TRARG1: variants seen among roughly 807,000 people sequenced by gnomAD.
TRARG1 encodes the protein trafficking regulator of GLUT4 1.
In TRARG1, 16 loss-of-function variants were observed where a neutral mutation model predicts 13.3. That is an observed-to-expected ratio of 1.20 (90% CI 0.81 to 1.83). The LOEUF (loss-of-function observed/expected upper bound fraction) is 1.83. TRARG1 is among the 40% of genes most tolerant of loss of function. TRARG1 has a pLI of 0.00. For missense variants in TRARG1, 250 were observed against 237.4 expected (o/e 1.05, Z -0.35); for synonymous variants, 113 against 106.2 (o/e 1.06, Z -0.39).
At position 1,295,737 on chromosome 17, in the gene TRARG1, G is replaced by T. The variant is rs866296629; in HGVS notation, c.520+114G>T. ...GTGGGTTGGGGGAAGGAGAAGGGCTGGTGGGGGCCCCGGCCTTATCCTCCC... is the reference window on the plus strand; with the variant it reads ...GTGGGTTGGGGGAAGGAGAAGGGCTTGTGGGGGCCCCGGCCTTATCCTCCC... On this transcript the variant is annotated intron_variant, in intron 2 of 2. Transcript: ENST00000333813. 25 of 1,372,920 alleles carry T rather than the reference G, an allele frequency of 1.8e-5. No individual in the cohort carries two copies. The African/African-American group carries it at 2.5e-4, about 14-fold the overall frequency. 85.0% of individuals were successfully genotyped at this position (1,372,920 alleles called of 1,614,324 possible).
rs71148459 is a variant in TRARG1, at chr17:1,289,239, CTCCTCATCCCCCACCGGGT to C, written c.388-6219_388-6201del. ...CCACGGGCTCCTCAACCCCCTCCGG[CTCCTCATCCCCCACCGGGT>C]TCCTCATCCCCCACCGGGTTCCTCA... On this transcript the variant is annotated intron_variant, in intron 1 of 2. Transcript: ENST00000333813. Among the ~76,000 whole-genome samples the C allele has an allele frequency of 4.0e-3, 29 of 7,210 alleles. 3 individuals are homozygous for C. The highest frequency in any genetic ancestry group is 5.8e-3 in the East Asian group (2 of 344). 4.7% of individuals were successfully genotyped at this position (7,210 alleles called of 152,430 possible). A position where few individuals can be genotyped will look rare whatever the true frequency, so the allele number is the denominator to read the frequency against.
Position 1,299,525 on chromosome 17 carries a change from A to G in TRARG1, c.*1261A>G. ...GCCACGGCCTCTCATCTTAGGACCTAATGGGACCCCCGAAAGGAGCCAAGT... is the reference window on the plus strand; with the variant it reads ...GCCACGGCCTCTCATCTTAGGACCTGATGGGACCCCCGAAAGGAGCCAAGT... On this transcript the variant is annotated 3_prime_UTR_variant, in exon 3 of 3. Transcript: ENST00000333813. 6.6e-6 allele frequency: 1 copy of G among 152,112 alleles called. No homozygotes were observed. Among genetic ancestry groups the G allele is most frequent in the East Asian group, 1.9e-4 (1 of 5,168 alleles). 9.4% of individuals were successfully genotyped at this position (152,112 alleles called of 1,614,324 possible). A position where few individuals can be genotyped will look rare whatever the true frequency, so the allele number is the denominator to read the frequency against.
intron 1 of TRARG1, among the ~76,000 whole-genome samples, chr17:1,293,500 G>A (rs1180655266): frequency 1.3e-5 from 2 of 150,044 alleles, no homozygotes; most frequent in Non-Finnish European, 3.0e-5. Context: ...ATGATGTCGT[G>A]GGTTGTGCTT....
In TRARG1 at chr17:1,292,380, G is replaced by A. The variant is rs532152151; in HGVS notation, c.388-3111G>A. Among the ~76,000 whole-genome samples, 8 of 152,204 alleles carry A rather than the reference G, an allele frequency of 5.3e-5. 1 individual carries two copies. In the South Asian group the frequency reaches 1.0e-3, roughly 20 times the overall value. ...AGACAGAAGGGTGTTTTGGAAATCC[G>A]TATCCAGTCCTATCATTCGGGACTC... On this transcript the variant is annotated intron_variant, in intron 1 of 2. Coordinates refer to ENST00000333813, the MANE Select transcript of TRARG1 (RefSeq NM_172367.3).
At chr17:1,296,806 C>T (rs1026434280) in intron 2 of TRARG1, among the ~76,000 whole-genome samples, 81 of 151,936 alleles carry the variant, frequency 5.3e-4, no homozygotes, top group African/African-American at 1.8e-3. Flanking sequence ...CCACCACGCC[C>T]GGCTAAGTTT....
intron 1 of TRARG1, among the ~76,000 whole-genome samples, chr17:1,282,276 GTATATGTACA>G (rs1449810512): frequency 5.8e-4 from 40 of 68,522 alleles, no homozygotes; most frequent in African/African-American, 2.8e-3. Context: ...ATATATGCAC[GTATATGTACA>G]TATATGTACG....
At chr17:1,295,380 G>T in intron 1 of TRARG1, 111 bp from the exon 2 acceptor site, 1 of 1,358,836 alleles carries the variant, frequency 7.4e-7, no homozygotes, top group South Asian at 1.4e-5. Context: ...ATGGGGACGG[G>T]ATGTGTCTGG....
intron 1 of TRARG1, among the ~76,000 whole-genome samples, chr17:1,285,087 T>C (rs112751275): frequency 0.017 from 2,650 of 152,044 alleles, 34 homozygotes; most frequent in Middle Eastern, 0.051. Context: ...AGGGGTGTGA[T>C]GGGAGAGGGA....
rs775304950 is a variant in TRARG1, at chr17:1,295,610, C to T, written c.507C>T (p.Thr169=). 1.4e-5 allele frequency: 23 copies of T among 1,611,848 alleles called. No homozygotes were observed. Among genetic ancestry groups the T allele is most frequent in the East Asian group, 2.2e-5 (1 of 44,792 alleles). The change falls in exon 2 of 3, where the codon ACC becomes ACT. Residue 169 remains threonine (T), a synonymous_variant. Coordinates refer to ENST00000333813, the MANE Select transcript of TRARG1 (RefSeq NM_172367.3). ...MGIVIIMVAV[T]VNFTVQKK ...TCGTCATTATCATGGTGGCCGTGACCGTCAACTTCACAGGTGAGACCCAGC... is the reference window on the plus strand; with the variant it reads ...TCGTCATTATCATGGTGGCCGTGACTGTCAACTTCACAGGTGAGACCCAGC...
intron 1 of TRARG1, among the ~76,000 whole-genome samples, chr17:1,288,945 A>T (rs1292231505): frequency 0.026 from 1 of 38 alleles, no homozygotes; most frequent in South Asian, 0.5. Context: ...CCCCCACCGG[A>T]CTCCCCATCC....
At chr17:1,285,177 C>T (rs1015566391) in intron 1 of TRARG1, among the ~76,000 whole-genome samples, 1 of 151,860 alleles carries the variant, frequency 6.6e-6, no homozygotes, top group Non-Finnish European at 1.5e-5. Flanking sequence ...CTTTGGGAGA[C>T]AACAAGTGGA....
At position 1,279,898 on chromosome 17, in the gene TRARG1, C is replaced by G. The variant is rs555184764; in HGVS notation, c.-104C>G. 2.7e-4 allele frequency: 375 copies of G among 1,399,768 alleles called. 2 individuals are homozygous for G. In the African/African-American group the frequency reaches 4.4e-3, roughly 16 times the overall value. 86.7% of individuals were successfully genotyped at this position (1,399,768 alleles called of 1,614,324 possible). On this transcript the variant is annotated 5_prime_UTR_variant, in exon 1 of 3. Transcript: ENST00000333813. ...CGTCTCCTGAGGGACGCCCCTGCCCCCGACCTGGAGGCCCTCAGTCTGGGC... is the reference window on the plus strand; with the variant it reads ...CGTCTCCTGAGGGACGCCCCTGCCCGCGACCTGGAGGCCCTCAGTCTGGGC...
intron 1 of TRARG1, among the ~76,000 whole-genome samples, chr17:1,294,502 G>A (rs1489216318): frequency 1.3e-4 from 17 of 130,902 alleles, no homozygotes; most frequent in Non-Finnish European, 3.1e-5. Flanking sequence ...CAGTCTCACT[G>A]TGTCACCAGG....
intron 1 of TRARG1, among the ~76,000 whole-genome samples, chr17:1,292,926 C>T (rs907882030): frequency 8.5e-5 from 13 of 152,156 alleles, no homozygotes; most frequent in African/African-American, 2.9e-4. Context: ...GTTACAAATA[C>T]AGACAGTGTG....
intron 1 of TRARG1, among the ~76,000 whole-genome samples, chr17:1,295,212 T>G (rs942459373): frequency 6.6e-6 from 1 of 152,148 alleles, no homozygotes; most frequent in Admixed American, 6.5e-5. Context: ...CACCGCCACC[T>G]CCTCCACCGC....
intron 1 of TRARG1, among the ~76,000 whole-genome samples, chr17:1,281,993 TATACA>T (rs2071976930): frequency 6.6e-6 from 1 of 151,512 alleles, no homozygotes; most frequent in African/African-American, 2.4e-5. Context: ...TATGTACATA[TATACA>T]GATATACACA....
intron 1 of TRARG1, among the ~76,000 whole-genome samples, chr17:1,280,824 C>G (rs968184381): frequency 6.6e-6 from 1 of 152,206 alleles, no homozygotes; most frequent in Admixed American, 6.5e-5. Context: ...CCCAGGCCAC[C>G]TGGACATGCT....
chr17:1,286,338 G>A (rs1247677931), intron 1 of TRARG1, among the ~76,000 whole-genome samples: 1 of 152,104 alleles, frequency 6.6e-6, no homozygotes, highest in Admixed American at 6.6e-5. Context: ...GATGTGGGGT[G>A]TTGTTGGCCT....
Position 1,295,509 on chromosome 17 carries a change from C to T in TRARG1, c.406C>T (p.Gln136Ter), listed in dbSNP as rs1282982313. 6.2e-7 allele frequency: 1 copy of T among 1,609,878 alleles called. No homozygotes were observed. Among genetic ancestry groups the T allele is most frequent in the Non-Finnish European group, 8.5e-7 (1 of 1,178,338 alleles). The change falls in exon 2 of 3, where the codon CAG (glutamine) becomes TAG (stop). Residue 136 changes from glutamine to a stop codon, truncating the protein, a stop_gained. Coordinates refer to ENST00000333813, the MANE Select transcript of TRARG1 (RefSeq NM_172367.3). LOFTEE classifies it high-confidence loss of function. The part of the protein sequence containing the change: ...ISIMSRSSMQ[Q>*]GNVDGARRLG... ...TCCGCAGTCTCGAAGCAGCATGCAA[C>T]AGGGCAACGTGGACGGCGCCCGGAG...
Sources: gnomAD v4.1 joint callset for allele counts (sites outside exome capture counted in the v4.1 genomes callset) on GRCh38, gnomAD v4.1.1 for gene constraint, MANE v1.5 for transcripts, NCBI Gene and HGNC (gene_info 2026-07-23, HGNC 2026-07-21) for gene names.